The following ISG20 variants were observed in gnomAD, a reference collection of about 807,000 sequenced individuals.
The protein encoded by ISG20 is interferon-stimulated gene 20 kDa protein.
Under a neutral mutation model 11.1 loss-of-function variants are expected in ISG20, and 8 were observed. The ratio of observed to expected loss-of-function variants is 0.72; its 90% CI spans 0.42 to 1.30. The LOEUF is 1.30. Among genes scored for constraint, ISG20 ranks in the 50% most tolerant of loss-of-function variants. The pLI, the probability that ISG20 is intolerant of heterozygous loss-of-function variation, is 0.01. For missense variants in ISG20, 243 were observed against 250.2 expected (o/e 0.97, Z 0.19); for synonymous variants, 110 against 101.7 (o/e 1.08, Z -0.49).
rs1424000521 is a variant in ISG20, at chr15:88,652,280, G to A, written c.399G>A (p.Leu133=). Residue 133 remains leucine (L), a synonymous_variant, in exon 3 of 4, where the codon CTG becomes CTA. Transcript: ENST00000306072. ...GCAGGCGTGTCTCCCTGCGGGTGCT[G>A]AGTGAGCGCCTCCTACACAAGAGCA... is the stretch of plus-strand genomic sequence containing the variant. The part of the protein sequence containing the change: ...DHCRRVSLRV[L]SERLLHKSIQ... 6.2e-7 allele frequency: 1 copy of A among 1,613,694 alleles called. No individual in the cohort carries two copies. Among genetic ancestry groups the A allele is most frequent in the South Asian group, 1.1e-5 (1 of 91,068 alleles).
chr15:88,652,163 CT>C lies in ISG20; in HGVS notation c.284del (p.Phe95SerfsTer4). ...LVVGHDLKHD[F>X]QALKEDMSGY... is the part of the protein sequence containing the mutation. The stretch of plus-strand genomic sequence containing the variant: ...TGGTGGGTCATGACCTGAAGCACGA[CT>C]TCCAGGCACTGAAAGAGGACATGAG... On this transcript the variant is annotated frameshift_variant, in exon 3 of 4. Coordinates refer to ENST00000306072, the MANE Select transcript of ISG20 (RefSeq NM_002201.6). LOFTEE classifies it high-confidence loss of function. 1 of 1,614,126 alleles carries C rather than the reference CT, an allele frequency of 6.2e-7. No homozygotes were observed. The highest frequency in any genetic ancestry group is 8.5e-7 in the Non-Finnish European group (1 of 1,180,008).
chr15:88,639,185 C>A lies in ISG20; in HGVS notation c.-25+109C>A. 1 of 605,758 alleles carries A rather than the reference C, an allele frequency of 1.7e-6. No individual in the cohort carries two copies. The highest frequency in any genetic ancestry group is 2.9e-6 in the Non-Finnish European group (1 of 341,818). 37.5% of individuals were successfully genotyped at this position (605,758 alleles called of 1,614,324 possible). On this transcript the variant is annotated intron_variant, in intron 1 of 3. Transcript: ENST00000306072. This position sits in a 1 kb window ranked among gnomAD's most constrained non-coding sequence, Gnocchi z 4.2. ...CCTGGGACACACGGGCAGGGTAAGG[C>A]AGGGGATGGGGGAGGCAAGAGGCCA...
At chr15:88,653,509 A>C (rs1441477363) in intron 3 of ISG20, among the ~76,000 whole-genome samples, 1 of 150,588 alleles carries the variant, frequency 6.6e-6, no homozygotes, top group African/African-American at 2.4e-5. Context: ...GTTAGCCTCA[A>C]GGCACATAAG....
At position 88,655,491 on chromosome 15, in the gene ISG20, G is replaced by A. The variant is rs370675181; in HGVS notation, c.506G>A (p.Arg169Gln). The part of the protein sequence containing the change: ...MELYQISQRI[R>Q]ARRGLPRLAV... Reference sequence around the variant, plus strand: ...CTCTATCAAATCTCCCAGAGAATCCGAGCCCGCCGAGGGCTGCCCCGCCTG... The same window carrying A: ...CTCTATCAAATCTCCCAGAGAATCCAAGCCCGCCGAGGGCTGCCCCGCCTG... Residue 169 changes from arginine (R) to glutamine (Q), a missense_variant, in exon 4 of 4, where the codon CGA (arginine) becomes CAA (glutamine). Coordinates refer to ENST00000306072, the MANE Select transcript of ISG20 (RefSeq NM_002201.6). 7.3e-4 allele frequency: 1,178 copies of A among 1,613,562 alleles called. 19 individuals carry two copies. The South Asian group carries it at 0.012, about 16-fold the overall frequency.
chr15:88,640,256 T>G (rs2058057646), intron 2 of ISG20, among the ~76,000 whole-genome samples: 1 of 152,204 alleles, frequency 6.6e-6, no homozygotes, highest in Non-Finnish European at 1.5e-5. Context: ...CGTCAGTTTC[T>G]AGACACCATG....
In ISG20 at chr15:88,650,179, G is replaced by A; in HGVS notation, c.229-1931G>A. 7 of 1,444,424 alleles carry A rather than the reference G, an allele frequency of 4.8e-6. No homozygotes were observed. In the South Asian group the frequency reaches 8.5e-5, roughly 18 times the overall value. 89.5% of individuals were successfully genotyped at this position (1,444,424 alleles called of 1,614,324 possible). A position where few individuals can be genotyped will look rare whatever the true frequency, so the allele number is the denominator to read the frequency against. On this transcript the variant is annotated intron_variant, in intron 2 of 3. Transcript: ENST00000306072. The surrounding 1 kb of genome is among the most constrained non-coding windows in gnomAD (Gnocchi z 4.0). ...CCTAGAGCTGTCCAAAGTGGGCCTG[G>A]ACTAGCCACGAGCCGCCCCTTTCCC...
intron 2 of ISG20, among the ~76,000 whole-genome samples, chr15:88,644,608 T>C (rs1325927658): frequency 6.7e-6 from 1 of 149,534 alleles, no homozygotes; most frequent in Non-Finnish European, 1.5e-5. Flanking sequence ...GCCTGCATCA[T>C]CTTTGGCAGA....
upstream of ISG20, chr15:88,636,202 C>T (rs1264099390): frequency 6.6e-6 from 1 of 152,294 alleles, no homozygotes; most frequent in East Asian, 1.9e-4. Flanking sequence ...CCTTGAAAGG[C>T]TGACAAGTTT....
At chr15:88,644,402 A>G (rs2058132884) in intron 2 of ISG20, among the ~76,000 whole-genome samples, 1 of 151,866 alleles carries the variant, frequency 6.6e-6, no homozygotes, top group Admixed American at 6.6e-5. Flanking sequence ...GCATGGTGGC[A>G]TGTGCCTGTA....
intron 3 of ISG20, among the ~76,000 whole-genome samples, chr15:88,654,248 G>A (rs909590827): frequency 1.3e-5 from 2 of 152,176 alleles, no homozygotes; most frequent in African/African-American, 4.8e-5. Context: ...GTCAAGGATG[G>A]TGACAGGGGC....
rs1426407763 is a variant in ISG20, at chr15:88,655,748, G to C, written c.*217G>C. On this transcript the variant is annotated 3_prime_UTR_variant, in exon 4 of 4. Transcript: ENST00000306072. ...TAGGAGGGAATGAAGTCTTATGCTG[G>C]GGAGGTGGGCAAGTATCAATTTCCT... is the stretch of plus-strand genomic sequence containing the variant. 2.3e-6 allele frequency: 1 copy of C among 443,520 alleles called. No individual in the cohort carries two copies. Among genetic ancestry groups the C allele is most frequent in the African/African-American group, 2.0e-5 (1 of 48,962 alleles). The allele number at this position is 443,520 out of a possible 1,614,324, so 27.5% of individuals were successfully genotyped here.
chr15:88,642,621 T>TTG (rs2058100766), intron 2 of ISG20, among the ~76,000 whole-genome samples: 4 of 151,694 alleles, frequency 2.6e-5, no homozygotes, highest in Non-Finnish European at 4.4e-5. Context: ...CACTGGATTT[T>TTG]TTGTTGTTGT....
rs1429384363 is a variant in ISG20 at position 88,650,345 on chromosome 15, C to T, written c.229-1765C>T. ...GGGAGGCGAGGCGAGGAACGCGGGG[C>T]TGGGGCAGTCACAGCTGGGCGCCTG... On this transcript the variant is annotated intron_variant, in intron 2 of 3. Transcript: ENST00000306072. The surrounding 1 kb of genome is among the most constrained non-coding windows in gnomAD (Gnocchi z 4.0). 9.1e-6 allele frequency: 14 copies of T among 1,534,998 alleles called. No individual in the cohort carries two copies. The highest frequency in any genetic ancestry group is 1.4e-5 in the African/African-American group (1 of 73,042).
chr15:88,637,931 A>T (rs1238620920), upstream of ISG20, among the ~76,000 whole-genome samples: 1 of 152,204 alleles, frequency 6.6e-6, no homozygotes, highest in Non-Finnish European at 1.5e-5. Flanking sequence ...TCAGGATGGG[A>T]ATCAAAAACT....
intron 2 of ISG20, among the ~76,000 whole-genome samples, chr15:88,644,536 AAAAAAAAAAAAGAAAAGAC>A (rs1269397125): frequency 1.4e-5 from 2 of 142,606 alleles, no homozygotes; most frequent in African/African-American, 4.9e-5. Flanking sequence ...AGTCTCCAAA[AAAAAAAAAAAAGAAAAGAC>A]AAAAAAAAAA....
Position 88,643,029 on chromosome 15 carries a change from G to A in ISG20, c.228+3435G>A, listed in dbSNP as rs2058108702. 6.6e-6 allele frequency among the ~76,000 whole-genome samples: 1 copy of A among 151,994 alleles called. No homozygotes were observed. Among genetic ancestry groups the A allele is most frequent in the Admixed American group, 6.5e-5 (1 of 15,268 alleles). ...GCTTGAGCCCAGGAGTTTGAGACCA[G>A]CCTGGGCAAGATGGTGAGATCTCCT... On this transcript the variant is annotated intron_variant, in intron 2 of 3. Coordinates refer to ENST00000306072, the MANE Select transcript of ISG20 (RefSeq NM_002201.6). The surrounding 1 kb of genome is among the most constrained non-coding windows in gnomAD (Gnocchi z 4.4).
chr15:88,651,921 C>T (rs1207227058), intron 2 of ISG20, 189 bp from the exon 3 acceptor site: 12 of 1,421,074 alleles, frequency 8.4e-6, no homozygotes, highest in Non-Finnish European at 1.1e-5. Flanking sequence ...CAGAATGAAA[C>T]TATCAGGTGT....
In ISG20 at chr15:88,639,568, A is replaced by G; in HGVS notation, c.202A>G (p.Thr68Ala). 6.2e-7 allele frequency: 1 copy of G among 1,614,032 alleles called. No homozygotes were observed. The highest frequency in any genetic ancestry group is 8.5e-7 in the Non-Finnish European group (1 of 1,179,918). Residue 68 changes from threonine to alanine, a missense_variant, in exon 2 of 4, where the codon ACA becomes GCA. Physicochemically the swap from Thr to Ala is moderately conservative, Grantham distance 58. Coordinates refer to ENST00000306072, the MANE Select transcript of ISG20 (RefSeq NM_002201.6). The surrounding 1 kb of genome is among the most constrained non-coding windows in gnomAD (Gnocchi z 4.2). ...CACCCCTCAGCACATGGTGGGGGCC[A>G]CACCATTTGCCGTGGCCAGGCTAGA... ...GVTPQHMVGATPFAVARLEIL... is the reference protein window; with the variant it reads ...GVTPQHMVGAAPFAVARLEIL...
Position 88,643,292 on chromosome 15 carries a change from A to G in ISG20, c.228+3698A>G, listed in dbSNP as rs984838593. Among the ~76,000 whole-genome samples, 1 of 152,200 alleles carries G rather than the reference A, an allele frequency of 6.6e-6. No individual in the cohort carries two copies. The highest frequency in any genetic ancestry group is 2.4e-5 in the African/African-American group (1 of 41,464). On this transcript the variant is annotated intron_variant, in intron 2 of 3. Transcript: ENST00000306072. The surrounding 1 kb of genome is among the most constrained non-coding windows in gnomAD (Gnocchi z 4.4). ...GCCATAAAATGTCTCAATAACTTTTATATTGATTACCTGTTGAAATGATAG... is the reference window on the plus strand; with the variant it reads ...GCCATAAAATGTCTCAATAACTTTTGTATTGATTACCTGTTGAAATGATAG...
Sources: gnomAD v4.1 joint callset for allele counts (sites outside exome capture counted in the v4.1 genomes callset) on GRCh38, gnomAD v4.1.1 for gene constraint, Gnocchi (gnomAD v3.1) non-coding constraint, MANE v1.5 for transcripts, NCBI Gene and HGNC (gene_info 2026-07-23, HGNC 2026-07-21) for gene names.